The following SNAPC4 variants were observed in gnomAD, a reference collection of about 807,000 sequenced individuals.
The protein encoded by SNAPC4 is snRNA-activating protein complex subunit 4.
In SNAPC4, 127 loss-of-function variants were observed where a neutral mutation model predicts 151.3. That is an observed-to-expected ratio of 0.84 (90% confidence interval 0.73 to 0.97). The LOEUF is 0.97. Among genes scored for constraint, SNAPC4 ranks in the 50% least tolerant of loss-of-function variants. SNAPC4 has a pLI of 0.00. For missense variants in SNAPC4, 2,186 were observed against 1,935.0 expected, an observed-to-expected ratio of 1.13 and a Z score of -2.43; for synonymous variants, 1,002 against 824.4, an observed-to-expected ratio of 1.22 and a Z score of -3.69.
chr9:136,381,795 G>A, intron 18 of SNAPC4, 29 bp downstream of exon 18: 1 of 1,597,798 alleles, frequency 6.3e-7, no homozygotes, highest in Non-Finnish European at 8.5e-7. Flanking sequence ...TCGCCCCCAG[G>A]ATGCTCCCAG....
Position 136,377,975 on chromosome 9 carries a change from C to T in SNAPC4, c.3852G>A (p.Gln1284=). 2 of 1,604,088 alleles carry T rather than the reference C, an allele frequency of 1.2e-6. No homozygotes were observed. The highest frequency in any genetic ancestry group is 1.7e-6 in the Non-Finnish European group (2 of 1,175,660). ...LSQEGEAATQ[Q]WLGGQRGVRV... ...GCACCCCCCGCTGGCCCCCCAGCCACTGCTGTGTGGCCGCCTCGCCCTCCT... is the reference window on the plus strand; with the variant it reads ...GCACCCCCCGCTGGCCCCCCAGCCATTGCTGTGTGGCCGCCTCGCCCTCCT... Residue 1284 remains glutamine, a synonymous_variant, in exon 22 of 24, where the codon CAG becomes CAA. Coordinates refer to ENST00000684778, the MANE Select transcript of SNAPC4 (RefSeq NM_003086.4).
At chr9:136,399,967 C>T (rs533804793) in intron 1 of SNAPC4, among the ~76,000 whole-genome samples, 167 bp downstream of exon 1, 8 of 152,126 alleles carry the variant, frequency 5.3e-5, no homozygotes, top group Non-Finnish European at 1.2e-4. Context: ...CGCCCAGGCT[C>T]GGCCGGACGG....
At position 136,384,916 on chromosome 9, in the gene SNAPC4, G is replaced by T. The variant is rs112908234; in HGVS notation, c.1326-102C>A. 136 of 604,116 alleles carry T rather than the reference G, an allele frequency of 2.3e-4. No individual in the cohort carries two copies. The African/African-American group carries it at 2.3e-3, about 10-fold the overall frequency. The allele number at this position is 604,116 out of a possible 1,614,324, so 37.4% of individuals were successfully genotyped here. A position where few individuals can be genotyped will look rare whatever the true frequency, so the allele number is the denominator to read the frequency against. ...GTTTCTTGGATATGACACTAAAGGC[G>T]CAAGCAACAAAAGAAAACTACAGAT... On this transcript the variant is annotated intron_variant, in intron 13 of 23. Transcript: ENST00000684778.
intron 20 of SNAPC4, among the ~76,000 whole-genome samples, chr9:136,380,485 G>A (rs1471139919): frequency 6.6e-6 from 1 of 152,220 alleles, no homozygotes; most frequent in Non-Finnish European, 1.5e-5. Flanking sequence ...CCGGCAGACA[G>A]CGCCCATGTC....
At position 136,378,716 on chromosome 9, in the gene SNAPC4, C is replaced by T; in HGVS notation, c.3111G>A (p.Leu1037=). The T allele has an allele frequency of 2.0e-6, 3 of 1,501,576 alleles. No homozygotes were observed. The highest frequency in any genetic ancestry group is 2.7e-5 in the South Asian group (2 of 74,142). 93.0% of individuals were successfully genotyped at this position (1,501,576 alleles called of 1,614,324 possible). A position where few individuals can be genotyped will look rare whatever the true frequency, so the allele number is the denominator to read the frequency against. ...QAPAASRKQG[L]PEAPPFLPAA... ...CGGGGAGAAAGGGTGGCGCCTCAGG[C>T]AGGCCCTGCTTCCGGGATGCAGCGG... is the stretch of plus-strand genomic sequence containing the variant. Residue 1037 remains leucine, a synonymous_variant, in exon 22 of 24, where the codon CTG becomes CTA. Coordinates refer to ENST00000684778, the MANE Select transcript of SNAPC4 (RefSeq NM_003086.4).
At position 136,400,133 on chromosome 9, in the gene SNAPC4, C is replaced by T. The variant is rs1181579255; in HGVS notation, c.-10+1G>A. On this transcript the variant is annotated splice_donor_variant, in intron 1 of 23. Transcript: ENST00000684778. LOFTEE classifies it low-confidence loss of function (5UTR_SPLICE). Reference sequence around the variant, plus strand: ...CCTCACCTGCTGGGCGCACACCTTACCTGGCCGCGCGGACCCCGCCGTCGC... The same window carrying T: ...CCTCACCTGCTGGGCGCACACCTTATCTGGCCGCGCGGACCCCGCCGTCGC... 6.6e-6 allele frequency: 1 copy of T among 152,160 alleles called. No homozygotes were observed. Among genetic ancestry groups the T allele is most frequent in the Non-Finnish European group, 1.5e-5 (1 of 68,020 alleles). 9.4% of individuals were successfully genotyped at this position (152,160 alleles called of 1,614,324 possible). A position where few individuals can be genotyped will look rare whatever the true frequency, so the allele number is the denominator to read the frequency against.
chr9:136,388,778 A>G (rs1227344664), intron 10 of SNAPC4, among the ~76,000 whole-genome samples, 187 bp from the exon 11 acceptor site: 1 of 152,148 alleles, frequency 6.6e-6, no homozygotes, highest in Non-Finnish European at 1.5e-5. Flanking sequence ...AAGACAATAC[A>G]CTCACTAAAT....
Position 136,383,801 on chromosome 9 carries a change from C to G in SNAPC4, c.1501-133G>C. 7.3e-7 allele frequency: 1 copy of G among 1,365,210 alleles called. No homozygotes were observed. The highest frequency in any genetic ancestry group is 2.3e-5 in the East Asian group (1 of 42,992). 84.6% of individuals were successfully genotyped at this position (1,365,210 alleles called of 1,614,324 possible). A position where few individuals can be genotyped will look rare whatever the true frequency, so the allele number is the denominator to read the frequency against. On this transcript the variant is annotated intron_variant, in intron 15 of 23. Transcript: ENST00000684778. This position sits in a 1 kb window ranked among gnomAD's most constrained non-coding sequence, Gnocchi z 4.2. ...GGGTCAAGAGCAGCCGCTGCCGAGG[C>G]AGGGTCTCCCTTTGCCCTTGGCCAC...
chr9:136,389,822 G>C (rs573756296), intron 10 of SNAPC4, among the ~76,000 whole-genome samples: 82 of 152,332 alleles, frequency 5.4e-4, no homozygotes, highest in Non-Finnish European at 9.1e-4. Flanking sequence ...GGGGGCTGGA[G>C]GGTGGCTGGA....
intron 14 of SNAPC4, 61 bp from the exon 15 acceptor site, chr9:136,384,093 T>G: frequency 6.9e-7 from 1 of 1,454,894 alleles, no homozygotes; most frequent in Non-Finnish European, 9.5e-7. Flanking sequence ...AGGACAGGCT[T>G]GCTGTTCCCC....
rs749258674 is a variant in SNAPC4, at chr9:136,383,469, G to A, written c.1700C>T (p.Pro567Leu). 1.2e-5 allele frequency: 19 copies of A among 1,563,994 alleles called. No individual in the cohort carries two copies. The highest frequency in any genetic ancestry group is 9.6e-5 in the East Asian group (4 of 41,780). Residue 567 changes from proline (P) to leucine (L), a missense_variant, in exon 16 of 24, where the codon CCG (proline) becomes CTG (leucine). Physicochemically the swap from Pro to Leu is moderately conservative, Grantham distance 98. Transcript: ENST00000684778. The surrounding 1 kb of genome is among the most constrained non-coding windows in gnomAD (Gnocchi z 4.2). ...GGCAGGAACCCACAGGTCCATGTCC[G>A]GGACCATGTACTGTGGGGACAGCAG... ...RALLSPQYMVPDMDLWVPARQ... is the reference protein window; with the variant it reads ...RALLSPQYMVLDMDLWVPARQ...
Position 136,396,855 on chromosome 9 carries a change from G to A in SNAPC4, c.177+122C>T, listed in dbSNP as rs916674452. 32 of 781,320 alleles carry A rather than the reference G, an allele frequency of 4.1e-5. No homozygotes were observed. The East Asian group carries it at 5.4e-4, about 13-fold the overall frequency. The allele number at this position is 781,320 out of a possible 1,614,324, so 48.4% of individuals were successfully genotyped here. Reference sequence around the variant, plus strand: ...GCTTTTTAATTTTTTTATAACAAACGTGAATCATTTTTATAATGCAGAAAA... The same window carrying A: ...GCTTTTTAATTTTTTTATAACAAACATGAATCATTTTTATAATGCAGAAAA... On this transcript the variant is annotated intron_variant, in intron 3 of 23. Transcript: ENST00000684778.
At chr9:136,392,959 G>A (rs992973071) in intron 7 of SNAPC4, among the ~76,000 whole-genome samples, 182 bp from the exon 8 acceptor site, 4 of 152,196 alleles carry the variant, frequency 2.6e-5, no homozygotes, top group Admixed American at 6.5e-5. Flanking sequence ...GGCTGCCACC[G>A]GGGTGGGAAG....
chr9:136,394,123 G>A (rs1339001041), intron 7 of SNAPC4, 126 bp downstream of exon 7: 20 of 785,946 alleles, frequency 2.5e-5, no homozygotes, highest in Non-Finnish European at 4.5e-5. Flanking sequence ...TCACCATGTT[G>A]CCCAGGCTGG....
chr9:136,392,985 T>C (rs1011245627), intron 7 of SNAPC4, among the ~76,000 whole-genome samples: 3 of 152,202 alleles, frequency 2.0e-5, no homozygotes, highest in African/African-American at 4.8e-5. Context: ...CAGTGTCTGC[T>C]GACACAGAGG....
Position 136,383,542 on chromosome 9 carries a change from CGCTGCTGCT to C in SNAPC4, c.1618_1626del (p.Ser540_Ser542del), listed in dbSNP as rs147271628. The C allele has an allele frequency of 1.4e-4, 224 of 1,590,772 alleles. No individual in the cohort carries two copies. The highest frequency in any genetic ancestry group is 6.7e-4 in the Middle Eastern group (4 of 5,938). On this transcript the variant is annotated inframe_deletion, in exon 16 of 24. Transcript: ENST00000684778. This position sits in a 1 kb window ranked among gnomAD's most constrained non-coding sequence, Gnocchi z 4.2. ...TGCGCCTGCTCTGGCTCGTCCTCCTCGCTGCTGCTGCTGCTGCTGCTGCTGCTCCCTCCA... is the reference window on the plus strand; with the variant it reads ...TGCGCCTGCTCTGGCTCGTCCTCCTCGCTGCTGCTGCTGCTGCTCCCTCCA...
chr9:136,390,242 C>T (rs900279625), intron 10 of SNAPC4, among the ~76,000 whole-genome samples: 11 of 152,108 alleles, frequency 7.2e-5, no homozygotes, highest in African/African-American at 2.4e-4. Flanking sequence ...TTGGAAATGA[C>T]GATTTGTTAA....
Position 136,383,762 on chromosome 9 carries a change from C to T in SNAPC4, c.1501-94G>A, listed in dbSNP as rs764835786. 229 of 1,497,178 alleles carry T rather than the reference C, an allele frequency of 1.5e-4. 1 individual carries two copies. The highest frequency in any genetic ancestry group is 1.9e-4 in the Admixed American group (10 of 51,946). 92.7% of individuals were successfully genotyped at this position (1,497,178 alleles called of 1,614,324 possible). ...CCAGCCCTTTGGGGAGAGGCCCAAGCGGGGGCGCCTCCGGGGTCAAGAGCA... is the reference window on the plus strand; with the variant it reads ...CCAGCCCTTTGGGGAGAGGCCCAAGTGGGGGCGCCTCCGGGGTCAAGAGCA... On this transcript the variant is annotated intron_variant, in intron 15 of 23. Transcript: ENST00000684778. This position sits in a 1 kb window ranked among gnomAD's most constrained non-coding sequence, Gnocchi z 4.2.
At position 136,378,874 on chromosome 9, in the gene SNAPC4, G is replaced by A; in HGVS notation, c.2953C>T (p.Gln985Ter). 6.2e-7 allele frequency: 1 copy of A among 1,610,938 alleles called. No homozygotes were observed. The highest frequency in any genetic ancestry group is 8.5e-7 in the Non-Finnish European group (1 of 1,179,398). ...SAKDKRLSTM[Q>*]ALPLAPVFSE... The stretch of plus-strand genomic sequence containing the variant: ...AAGACAGGAGCGAGGGGCAGGGCTT[G>A]CATGGTGGAGAGTCTCTTGTCCTTG... The change falls in exon 22 of 24, where the codon CAA becomes TAA. Residue 985 changes from glutamine to a stop codon, truncating the protein, a stop_gained. Transcript: ENST00000684778. LOFTEE classifies it high-confidence loss of function.
Sources: gnomAD v4.1 joint callset for allele counts (sites outside exome capture counted in the v4.1 genomes callset) on GRCh38, gnomAD v4.1.1 for gene constraint, Gnocchi (gnomAD v3.1) non-coding constraint, MANE v1.5 for transcripts, NCBI Gene and HGNC (gene_info 2026-07-23, HGNC 2026-07-21) for gene names.